The following CD82 variants were observed in gnomAD, a reference collection of about 807,000 sequenced individuals.
CD82 encodes the protein CD82 antigen.
A neutral mutation model predicts 37.4 loss-of-function variants in CD82; 36 were observed. That is an observed-to-expected ratio of 0.96 (90% CI 0.74 to 1.27). The LOEUF (loss-of-function observed/expected upper bound fraction) is 1.27. Ranked by LOEUF, CD82 falls within the 50% of genes most tolerant of loss-of-function variation. The pLI is 0.00. For missense variants in CD82, 340 were observed against 347.0 expected, an observed-to-expected ratio of 0.98 and a Z score of 0.16; for synonymous variants, 158 against 137.4, an observed-to-expected ratio of 1.15 and a Z score of -1.05.
At chr11:44,600,076 C>A in intron 3 of CD82, 82 bp from the exon 4 acceptor site, 2 of 1,446,754 alleles carry the variant, frequency 1.4e-6, no homozygotes, top group Admixed American at 1.7e-5. Flanking sequence ...CCTGCCCACC[C>A]TGACTTGGGT....
At chr11:44,575,511 C>T (rs1852878705) in intron 1 of CD82, among the ~76,000 whole-genome samples, 1 of 152,198 alleles carries the variant, frequency 6.6e-6, no homozygotes, top group African/African-American at 2.4e-5. Context: ...TTGGCCCCAC[C>T]CCCAGGTTTC....
chr11:44,618,997 G>C, intron 9 of CD82, 52 bp from the exon 10 acceptor site: 1 of 1,491,276 alleles, frequency 6.7e-7, no homozygotes, highest in South Asian at 1.1e-5. Context: ...AGGCTGGGGC[G>C]TCTGAGGCCG....
upstream of CD82, among the ~76,000 whole-genome samples, chr11:44,564,700 C>T (rs975017880): frequency 1.3e-5 from 2 of 152,194 alleles, no homozygotes; most frequent in South Asian, 2.1e-4. Flanking sequence ...CACCTCCTCC[C>T]TCACCTCAGG....
In CD82 at chr11:44,605,078, A is replaced by C; in HGVS notation, c.157A>C (p.Arg53=). 6.2e-7 allele frequency: 1 copy of C among 1,614,216 alleles called. No homozygotes were observed. The highest frequency in any genetic ancestry group is 8.5e-7 in the Non-Finnish European group (1 of 1,180,036). ...CCTAGAAACCTCCTCCAGCTCGCTT[A>C]GGATGGGGGCCTATGTCTTCATCGG... is the stretch of plus-strand genomic sequence containing the variant. The part of the protein sequence containing the change: ...SVLQTSSSSL[R]MGAYVFIGVG... The change falls in exon 5 of 10, where the codon AGG becomes CGG. Residue 53 remains arginine (R), a synonymous_variant. Coordinates refer to ENST00000227155, the MANE Select transcript of CD82 (RefSeq NM_002231.4).
chr11:44,600,548 G>A (rs747946803), intron 4 of CD82, among the ~76,000 whole-genome samples: 5 of 152,150 alleles, frequency 3.3e-5, no homozygotes, highest in Non-Finnish European at 5.9e-5. Context: ...TCTCTGTCCC[G>A]TCACTTGCCC....
chr11:44,579,574 C>G (rs758227041), intron 1 of CD82, among the ~76,000 whole-genome samples: 3 of 152,146 alleles, frequency 2.0e-5, no homozygotes, highest in Non-Finnish European at 4.4e-5. Context: ...CGCTCTGTAC[C>G]TTGCTCTGCC....
chr11:44,596,267 T>G (rs955540882), intron 3 of CD82, among the ~76,000 whole-genome samples: 2 of 152,254 alleles, frequency 1.3e-5, no homozygotes, highest in Non-Finnish European at 2.9e-5. Flanking sequence ...GCCAAGCTTT[T>G]CCTGGCAAGC....
At position 44,582,088 on chromosome 11, in the gene CD82, A is replaced by G. The variant is rs142218217; in HGVS notation, c.-102-5387A>G. On this transcript the variant is annotated intron_variant, in intron 1 of 9. Coordinates refer to ENST00000227155, the MANE Select transcript of CD82 (RefSeq NM_002231.4). ...AAAGTCAGTAGGATATTGAACTCCA[A>G]AGTCAGAGAGTCTTGAGGGCAGAGC... 1.8e-3 allele frequency among the ~76,000 whole-genome samples: 270 copies of G among 152,296 alleles called. 1 individual carries two copies. Among genetic ancestry groups the G allele is most frequent in the African/African-American group, 6.2e-3 (258 of 41,550 alleles).
intron 1 of CD82, among the ~76,000 whole-genome samples, chr11:44,567,446 G>C (rs1403671499): frequency 6.6e-6 from 1 of 151,960 alleles, no homozygotes; most frequent in African/African-American, 2.4e-5. Flanking sequence ...GCCAGGGCAG[G>C]GGGTGGGGGT....
intron 1 of CD82, among the ~76,000 whole-genome samples, chr11:44,567,258 C>T (rs563052693): frequency 6.6e-6 from 1 of 152,254 alleles, no homozygotes; most frequent in East Asian, 1.9e-4. Context: ...CACTGAAGGA[C>T]GCTGAAGGTG....
chr11:44,609,589 C>T (rs1853451274), intron 6 of CD82, among the ~76,000 whole-genome samples: 1 of 152,278 alleles, frequency 6.6e-6, no homozygotes, highest in African/African-American at 2.4e-5. Flanking sequence ...CTTGCTCTCA[C>T]CCTGAAAGCC....
chr11:44,594,165 T>C (rs1853186814), intron 2 of CD82, among the ~76,000 whole-genome samples: 1 of 152,164 alleles, frequency 6.6e-6, no homozygotes, highest in Non-Finnish European at 1.5e-5. Context: ...GCCTATTTTC[T>C]GAGAAGCCAA....
intron 1 of CD82, among the ~76,000 whole-genome samples, chr11:44,567,919 C>G (rs1225094853): frequency 6.6e-6 from 1 of 152,210 alleles, no homozygotes; most frequent in Non-Finnish European, 1.5e-5. Flanking sequence ...TAGGCAGAGG[C>G]AGGGAGGTCA....
intron 7 of CD82, 123 bp from the exon 8 acceptor site, chr11:44,618,039 G>A: frequency 1.3e-6 from 1 of 748,688 alleles, no homozygotes; most frequent in Non-Finnish European, 2.2e-6. Flanking sequence ...GGTTCGGCTG[G>A]GACCAGGGGC....
At chr11:44,569,482 A>G (rs150065057) in intron 1 of CD82, among the ~76,000 whole-genome samples, 193 of 152,248 alleles carry the variant, frequency 1.3e-3, no homozygotes, top group Non-Finnish European at 2.3e-3. Context: ...GTGTGACCTT[A>G]GATAAGTTCC....
intron 6 of CD82, among the ~76,000 whole-genome samples, chr11:44,607,513 A>G (rs1853415258): frequency 1.3e-5 from 2 of 152,192 alleles, no homozygotes; most frequent in Non-Finnish European, 2.9e-5. Flanking sequence ...GCCGGTTTCT[A>G]TGACTCAGAA....
At chr11:44,608,034 GCAGGGGGAA>G in intron 6 of CD82, 2 of 152,318 alleles carry the variant, frequency 1.3e-5, no homozygotes, top group South Asian at 4.2e-4. Flanking sequence ...TTTCTGGAAG[GCAGGGGGAA>G]ATTTTCTGGC....
chr11:44,588,065 A>G (rs1045204235), intron 2 of CD82, among the ~76,000 whole-genome samples: 2 of 152,218 alleles, frequency 1.3e-5, no homozygotes, highest in African/African-American at 4.8e-5. Flanking sequence ...AAGGTATCAC[A>G]GTCCTCAGGG....
chr11:44,615,613 A>G (rs1053795433), intron 7 of CD82, among the ~76,000 whole-genome samples: 1 of 152,176 alleles, frequency 6.6e-6, no homozygotes, highest in Non-Finnish European at 1.5e-5. Flanking sequence ...GCCAGAGAGC[A>G]TGGGGGCAGT....
Sources: allele counts gnomAD v4.1 joint callset (sites outside exome capture counted in the v4.1 genomes callset), GRCh38; gene constraint gnomAD v4.1.1; transcripts MANE v1.5; gene names NCBI Gene and HGNC (gene_info 2026-07-23, HGNC 2026-07-21).